Variants in SLC2A13 observed in about 807,000 individuals in gnomAD.
SLC2A13 encodes proton myo-inositol cotransporter.
A neutral mutation model predicts 64.4 loss-of-function variants in SLC2A13; 32 were observed. The ratio of observed to expected loss-of-function variants is 0.50; its 90% CI spans 0.37 to 0.67. The LOEUF (loss-of-function observed/expected upper bound fraction) is 0.67. Among genes scored for constraint, SLC2A13 ranks in the 30% least tolerant of loss-of-function variants. SLC2A13 has a pLI of 0.00. For synonymous variants in SLC2A13, 338 were observed against 327.1 expected (o/e 1.03, Z -0.36); for missense variants, 743 against 829.2 (o/e 0.90, Z 1.28).
intron 4 of SLC2A13, among the ~76,000 whole-genome samples, chr12:39,878,677 T>C (rs893709089): frequency 5.9e-5 from 9 of 152,200 alleles, no homozygotes; most frequent in African/African-American, 1.9e-4. Flanking sequence ...GCTGCTTATA[T>C]TTATAAGGTA....
intron 4 of SLC2A13, among the ~76,000 whole-genome samples, chr12:39,906,133 TTTGA>T (rs1319294361): frequency 2.5e-3 from 2 of 802 alleles, no homozygotes; most frequent in African/African-American, 4.3e-3. Flanking sequence ...GATACAGAAC[TTTGA>T]ACTTTGTTTT....
rs576062296 is a variant in SLC2A13, at chr12:39,891,303, C to G, written c.1035-19342G>C. On this transcript the variant is annotated intron_variant, in intron 4 of 9. Coordinates refer to ENST00000280871, the MANE Select transcript of SLC2A13 (RefSeq NM_052885.4). Reference sequence around the variant, plus strand: ...GTGTGATAACTGCTTCTTTACTTTCCTGACTCCTCCACTGAACTCTCAGCA... The same window carrying G: ...GTGTGATAACTGCTTCTTTACTTTCGTGACTCCTCCACTGAACTCTCAGCA... Among the ~76,000 whole-genome samples, 852 of 151,562 alleles carry G rather than the reference C, an allele frequency of 5.6e-3. 5 individuals are homozygous for G. Among genetic ancestry groups the G allele is most frequent in the Non-Finnish European group, 7.6e-3 (513 of 67,906 alleles).
In SLC2A13 at chr12:40,048,093, A is replaced by C. The variant is rs769583915; in HGVS notation, c.674T>G (p.Val225Gly). 2 of 1,613,230 alleles carry C rather than the reference A, an allele frequency of 1.2e-6. No individual in the cohort carries two copies. The highest frequency in any genetic ancestry group is 1.3e-5 in the African/African-American group (1 of 75,004). Residue 225 changes from valine to glycine, a missense_variant, in exon 2 of 10, where the codon GTT becomes GGT. Transcript: ENST00000280871. ...FITGGQFFAS[V>G]VDGAFSYLQK... ...GAGATAACTGAAGGCTCCATCAACA[A>C]CACTTGCAAAGAACTGCCCTCCTGT...
At chr12:40,062,126 C>T (rs796290677) in intron 1 of SLC2A13, among the ~76,000 whole-genome samples, 1 of 151,802 alleles carries the variant, frequency 6.6e-6, no homozygotes, top group Admixed American at 6.6e-5. Flanking sequence ...AAAATTGAAC[C>T]CCTACTTCTT....
intron 3 of SLC2A13, among the ~76,000 whole-genome samples, chr12:39,998,398 G>T (rs781609876): frequency 6.6e-6 from 1 of 152,216 alleles, no homozygotes; most frequent in African/African-American, 2.4e-5. Context: ...GGGTGGGAAG[G>T]GGGTGAGGAA....
intron 3 of SLC2A13, among the ~76,000 whole-genome samples, chr12:39,955,956 AT>A (rs1773301895): frequency 6.6e-6 from 1 of 152,188 alleles, no homozygotes; most frequent in Admixed American, 6.5e-5. Context: ...AAGCTACCAA[AT>A]TTGTAGTAAT....
chr12:40,041,098 G>T (rs1224780448), intron 2 of SLC2A13, among the ~76,000 whole-genome samples: 1 of 152,040 alleles, frequency 6.6e-6, no homozygotes, highest in Admixed American at 6.6e-5. Context: ...GATTACAGGC[G>T]CCCACCACCG....
At chr12:39,889,203 C>T (rs1342702097) in intron 4 of SLC2A13, among the ~76,000 whole-genome samples, 2 of 152,002 alleles carry the variant, frequency 1.3e-5, no homozygotes, top group Non-Finnish European at 2.9e-5. Context: ...ATATATCTGA[C>T]AATTTACTTA....
chr12:39,905,015 A>G (rs569774354), intron 4 of SLC2A13, among the ~76,000 whole-genome samples: 10 of 152,208 alleles, frequency 6.6e-5, no homozygotes, highest in Non-Finnish European at 1.5e-4. Context: ...TGCTAGAGCT[A>G]AAACTAGTTT....
chr12:40,046,107 T>C (rs780713140), intron 2 of SLC2A13, among the ~76,000 whole-genome samples: 1 of 152,240 alleles, frequency 6.6e-6, no homozygotes, highest in Non-Finnish European at 1.5e-5. Context: ...ACACTTTACA[T>C]ATAATAAGTA....
intron 3 of SLC2A13, among the ~76,000 whole-genome samples, chr12:39,952,134 C>A (rs1946242883): frequency 1.3e-5 from 2 of 152,140 alleles, no homozygotes; most frequent in African/African-American, 4.8e-5. Flanking sequence ...ATCTGAACCA[C>A]TGAGTCCTTA....
At chr12:39,814,907 T>C (rs1942298606) in intron 7 of SLC2A13, among the ~76,000 whole-genome samples, 1 of 152,202 alleles carries the variant, frequency 6.6e-6, no homozygotes, top group Non-Finnish European at 1.5e-5. Context: ...AAAGATATGA[T>C]AGATTGTGGA....
At chr12:40,018,489 G>A (rs1490633206) in intron 3 of SLC2A13, among the ~76,000 whole-genome samples, 2 of 152,112 alleles carry the variant, frequency 1.3e-5, no homozygotes, top group Non-Finnish European at 2.9e-5. Flanking sequence ...TTCCTAATTT[G>A]TAGACTTTCT....
chr12:40,043,688 C>T (rs2136232801), intron 2 of SLC2A13, among the ~76,000 whole-genome samples: 1 of 152,164 alleles, frequency 6.6e-6, no homozygotes, highest in East Asian at 1.9e-4. Context: ...TTAATATTAA[C>T]TATCGAAACA....
At chr12:40,089,432 T>C (rs1324837675) in intron 1 of SLC2A13, among the ~76,000 whole-genome samples, 1 of 152,218 alleles carries the variant, frequency 6.6e-6, no homozygotes, top group Non-Finnish European at 1.5e-5. Context: ...TCTCAGATGA[T>C]TTATTCCATT....
chr12:40,085,881 C>CT (rs968536357), intron 1 of SLC2A13, among the ~76,000 whole-genome samples: 117 of 147,860 alleles, frequency 7.9e-4, no homozygotes, highest in Admixed American at 2.0e-3. Context: ...CTCCCATCTT[C>CT]TTTTTTTTTT....
At chr12:39,927,767 T>C (rs1197834834) in intron 4 of SLC2A13, among the ~76,000 whole-genome samples, 1 of 152,154 alleles carries the variant, frequency 6.6e-6, no homozygotes, top group Admixed American at 6.5e-5. Flanking sequence ...CTTTAATTAA[T>C]TTGACAAGTT....
intron 4 of SLC2A13, among the ~76,000 whole-genome samples, chr12:39,887,605 C>T (rs995361272): frequency 2.0e-5 from 3 of 152,110 alleles, no homozygotes; most frequent in African/African-American, 7.2e-5. Flanking sequence ...TTTTTAAGCA[C>T]CAGAGGGTAG....
chr12:39,952,803 A>C (rs1235870225), intron 3 of SLC2A13, among the ~76,000 whole-genome samples: 1 of 152,168 alleles, frequency 6.6e-6, no homozygotes, highest in Non-Finnish European at 1.5e-5. Flanking sequence ...ACTGTGTGAA[A>C]CAGGTGAATT....
Sources: gnomAD v4.1 joint callset for allele counts (sites outside exome capture counted in the v4.1 genomes callset) on GRCh38, gnomAD v4.1.1 for gene constraint, MANE v1.5 for transcripts, NCBI Gene and HGNC (gene_info 2026-07-23, HGNC 2026-07-21) for gene names.